Variants in ANO1 observed in about 807,000 individuals in gnomAD.
ANO1 encodes the protein anoctamin 1.
A neutral mutation model predicts 124.0 loss-of-function variants in ANO1; 59 were observed. The ratio of observed to expected loss-of-function variants is 0.48; its 90% CI spans 0.39 to 0.59. The LOEUF (loss-of-function observed/expected upper bound fraction) is 0.59, where lower values mean the gene tolerates loss of function less well. Ranked by LOEUF, ANO1 falls within the 20% of genes least tolerant of loss-of-function variation. The pLI is 0.00. For synonymous variants in ANO1, 529 were observed against 532.0 expected, an observed-to-expected ratio of 0.99 and a Z score of 0.08; for missense variants, 1,059 against 1,328.0, an observed-to-expected ratio of 0.80 and a Z score of 3.15.
chr11:70,118,070 G>T (rs140999439), intron 8 of ANO1, among the ~76,000 whole-genome samples: 1 of 150,434 alleles, frequency 6.6e-6, no homozygotes, highest in East Asian at 2.0e-4. Context: ...TCATCCCTCC[G>T]CACCCCTCTG....
Position 70,188,801 on chromosome 11 carries a change from T to C in ANO1, c.*797T>C, listed in dbSNP as rs2049247163. The C allele has an allele frequency of 6.6e-6, 1 of 152,320 alleles. No homozygotes were observed. Among genetic ancestry groups the C allele is most frequent in the Admixed American group, 6.6e-5 (1 of 15,258 alleles). The allele number at this position is 152,320 out of a possible 1,614,324, so 9.4% of individuals were successfully genotyped here. On this transcript the variant is annotated 3_prime_UTR_variant, in exon 26 of 26. Coordinates refer to ENST00000355303, the MANE Select transcript of ANO1 (RefSeq NM_018043.7). The stretch of plus-strand genomic sequence containing the variant: ...AGAAAATGGGCAGAGAGAGATGACC[T>C]CGGAAGCATTTCCACAGATGGTGTC...
the ANO1 span, among the ~76,000 whole-genome samples, chr11:69,980,091 A>G: frequency 2.0e-5 from 3 of 152,220 alleles, no homozygotes; most frequent in Non-Finnish European, 4.4e-5. Context: ...GATAAGCCCT[A>G]AAAAGGGAGG....
intron 1 of ANO1, among the ~76,000 whole-genome samples, chr11:69,987,273 C>T (rs1447495622): frequency 3.9e-5 from 6 of 152,244 alleles, no homozygotes; most frequent in African/African-American, 1.4e-4. Flanking sequence ...CTTCCTCAAG[C>T]TCACGTGTAG....
In ANO1 at chr11:70,187,850, G is replaced by A. The variant is rs1216028657; in HGVS notation, c.2807G>A (p.Arg936Gln). ...GTGCTCATGGTGGAGCTGTTCATGC[G>A]GGAGGAGCAAGACAAGCAGCAGCTG... ...EKVLMVELFMREEQDKQQLLE... is the reference protein window; with the variant it reads ...EKVLMVELFMQEEQDKQQLLE... Residue 936 changes from arginine (R) to glutamine (Q), a missense_variant, in exon 26 of 26, where the codon CGG becomes CAG. Coordinates refer to ENST00000355303, the MANE Select transcript of ANO1 (RefSeq NM_018043.7). 18 of 1,608,382 alleles carry A rather than the reference G, an allele frequency of 1.1e-5. No homozygotes were observed. Among genetic ancestry groups the A allele is most frequent in the Admixed American group, 5.1e-5 (3 of 59,080 alleles).
At chr11:70,072,113 C>T (rs1030960087) in intron 1 of ANO1, among the ~76,000 whole-genome samples, 5 of 152,156 alleles carry the variant, frequency 3.3e-5, no homozygotes, top group South Asian at 2.1e-4. Context: ...ATCAGGAGGA[C>T]GAGGTCTTCG....
At chr11:70,020,984 C>CGGGCTGGGTGCGTCCTTTT (rs1317780224) in intron 1 of ANO1, 2 of 152,182 alleles carry the variant, frequency 1.3e-5, no homozygotes, top group East Asian at 1.9e-4. Context: ...CTGCGGGCGT[C>CGGGCTGGGTGCGTCCTTTT]GGGCTGGGTG....
chr11:69,966,120 A>G, the ANO1 span, among the ~76,000 whole-genome samples: 1 of 152,190 alleles, frequency 6.6e-6, no homozygotes, highest in Non-Finnish European at 1.5e-5. Context: ...GGAGGCACTC[A>G]GGGTGGCCCC....
At chr11:70,008,585 T>G (rs1349948001) in intron 1 of ANO1, among the ~76,000 whole-genome samples, 2 of 152,188 alleles carry the variant, frequency 1.3e-5, no homozygotes, top group East Asian at 3.8e-4. Flanking sequence ...CTCTCTGTTC[T>G]GTTCCATTGG....
At chr11:69,996,585 T>C (rs1446329613) in intron 1 of ANO1, among the ~76,000 whole-genome samples, 2 of 152,196 alleles carry the variant, frequency 1.3e-5, no homozygotes. Flanking sequence ...CAGAGACCCC[T>C]GAATGAGATA....
intron 2 of ANO1, among the ~76,000 whole-genome samples, chr11:70,095,350 GA>G (rs770046555): frequency 6.5e-5 from 1 of 15,302 alleles, no homozygotes; most frequent in East Asian, 2.7e-3. Flanking sequence ...GAAAGAAAAA[GA>G]AAGAAAGAAA....
chr11:70,077,461 A>G (rs1591079901), upstream of ANO1, among the ~76,000 whole-genome samples: 1 of 152,268 alleles, frequency 6.6e-6, no homozygotes, highest in Middle Eastern at 3.4e-3. Flanking sequence ...GCTTAACCTG[A>G]GTATGGTCGT....
At chr11:70,153,235 C>G in intron 14 of ANO1, 107 bp downstream of exon 14, 1 of 1,056,790 alleles carries the variant, frequency 9.5e-7, no homozygotes, top group Non-Finnish European at 1.4e-6. Context: ...GCTGTGTAAC[C>G]CCGTGTTGCG....
At chr11:70,118,469 C>T (rs2046084476) in intron 8 of ANO1, among the ~76,000 whole-genome samples, 1 of 151,888 alleles carries the variant, frequency 6.6e-6, no homozygotes, top group South Asian at 2.1e-4. Context: ...TGGGGGTAGT[C>T]AAGGAGTAAT....
chr11:69,986,534 G>A (rs1856045693), intron 1 of ANO1, among the ~76,000 whole-genome samples: 1 of 152,174 alleles, frequency 6.6e-6, no homozygotes, highest in African/African-American at 2.4e-5. Context: ...TCTTGCAGCG[G>A]ATACGAGGTT....
chr11:70,098,671 G>T (rs2045120591), intron 2 of ANO1, among the ~76,000 whole-genome samples: 1 of 152,172 alleles, frequency 6.6e-6, no homozygotes, highest in Non-Finnish European at 1.5e-5. Context: ...CTTTAGGGGT[G>T]CAAACCTTCA....
intron 2 of ANO1, among the ~76,000 whole-genome samples, chr11:70,098,554 A>G (rs2045114638): frequency 6.6e-6 from 1 of 152,154 alleles, no homozygotes; most frequent in South Asian, 2.1e-4. Context: ...TCCATAGTGA[A>G]CAATGCCCTC....
upstream of ANO1, chr11:70,074,976 C>T (rs75659109): frequency 0.093 from 14,161 of 152,280 alleles, 989 homozygotes; most frequent in Admixed American, 0.18. Flanking sequence ...GCCTACCATC[C>T]AAAGGGAGAC....
At chr11:70,060,074 G>A (rs528718986) in intron 1 of ANO1, among the ~76,000 whole-genome samples, 2 of 150,642 alleles carry the variant, frequency 1.3e-5, no homozygotes, top group Admixed American at 1.3e-4. Flanking sequence ...CAGGAGAGCA[G>A]TCTTAAGGAG....
intron 1 of ANO1, among the ~76,000 whole-genome samples, chr11:70,039,989 T>A (rs539274701): frequency 2.0e-5 from 3 of 151,994 alleles, no homozygotes; most frequent in Non-Finnish European, 4.4e-5. Flanking sequence ...AGCAAATCGA[T>A]CAGTTTTTAG....
Sources: allele counts gnomAD v4.1 joint callset (sites outside exome capture counted in the v4.1 genomes callset), GRCh38; gene constraint gnomAD v4.1.1; transcripts MANE v1.5; gene names NCBI Gene and HGNC (gene_info 2026-07-23, HGNC 2026-07-21).